The following PP2D1 variants were observed in gnomAD, a reference collection of about 807,000 sequenced individuals.
The protein encoded by PP2D1 is protein phosphatase 2C-like domain-containing protein 1.
PP2D1 carries 25 observed loss-of-function variants against 30.2 expected under a neutral mutation model. The observed-to-expected ratio is 0.83, with a 90% CI of 0.60 to 1.16. The LOEUF is 1.16. Among genes scored for constraint, PP2D1 ranks in the 50% most tolerant of loss-of-function variants. PP2D1 has a pLI of 0.00. For synonymous variants in PP2D1, 260 were observed against 258.9 expected, an observed-to-expected ratio of 1.00 and a Z score of -0.04; for missense variants, 760 against 742.4, an observed-to-expected ratio of 1.02 and a Z score of -0.28.
rs1307287865 is a variant in PP2D1, at chr3:19,985,566, G to C, written c.1707C>G (p.Asp569Glu). 3 of 1,536,022 alleles carry C rather than the reference G, an allele frequency of 2.0e-6. No homozygotes were observed. The highest frequency in any genetic ancestry group is 2.6e-6 in the Non-Finnish European group (3 of 1,146,862). Residue 569 changes from aspartate (D) to glutamate (E), a missense_variant, in exon 3 of 3, where the codon GAC becomes GAG. This residue lies in a region of PP2D1 where 369 missense variants were observed against 316.2 expected (regional missense o/e 1.17). Transcript: ENST00000389050. ...CCACATCATTTACACTAGTTGGTCT[G>C]TCAGTTACTTTTTCACTGCAAGGTT... ...HRKPCSEKVT[D>E]RPTSVNDVAT... is the part of the protein sequence containing the mutation.
Position 20,001,714 on chromosome 3 carries a change from C to A in PP2D1, c.406G>T (p.Glu136Ter). Residue 136 changes from glutamate (E) to a stop codon, truncating the protein, a stop_gained, in exon 2 of 3, where the codon GAG becomes TAG. Coordinates refer to ENST00000389050, the MANE Select transcript of PP2D1 (RefSeq NM_001252657.2). LOFTEE classifies it high-confidence loss of function. ...KTLQSINNAF[E>*]LLWKKQIPAY... Reference sequence around the variant, plus strand: ...GGTATTTGTTTTTTCCAAAGCAGCTCAAAAGCATTATTAATGCTCTGTAGG... The same window carrying A: ...GGTATTTGTTTTTTCCAAAGCAGCTAAAAAGCATTATTAATGCTCTGTAGG... The A allele has an allele frequency of 6.5e-7, 1 of 1,532,966 alleles. No individual in the cohort carries two copies. The highest frequency in any genetic ancestry group is 8.7e-7 in the Non-Finnish European group (1 of 1,145,608). 95.0% of individuals were successfully genotyped at this position (1,532,966 alleles called of 1,614,324 possible).
chr3:19,987,070 A>C (rs1697048785), intron 2 of PP2D1, among the ~76,000 whole-genome samples: 1 of 152,008 alleles, frequency 6.6e-6, no homozygotes, highest in Non-Finnish European at 1.5e-5. Flanking sequence ...CCTGTGGAGA[A>C]ATATGTTGTT....
At chr3:20,010,383 C>A (rs1338391050) in intron 1 of PP2D1, among the ~76,000 whole-genome samples, 12 of 152,180 alleles carry the variant, frequency 7.9e-5, no homozygotes, top group Non-Finnish European at 1.8e-4. Context: ...GTGTGAGCCA[C>A]TGTGCCCAGC....
intron 2 of PP2D1, among the ~76,000 whole-genome samples, chr3:19,989,867 CATT>C (rs947292804): frequency 8.5e-5 from 13 of 152,264 alleles, no homozygotes; most frequent in African/African-American, 2.9e-4. Context: ...AAAGAAAAAG[CATT>C]ATTTTCCTAG....
At chr3:19,980,467 G>A (rs987271044), downstream of PP2D1, among the ~76,000 whole-genome samples, 1 of 92,346 alleles carries the variant, frequency 1.1e-5, no homozygotes, top group Non-Finnish European at 2.3e-5. Flanking sequence ...TTTTTTTTTT[G>A]TTATGAAGGA....
chr3:20,001,579 A>T lies in PP2D1; in HGVS notation c.541T>A (p.Trp181Arg). 2.6e-6 allele frequency: 4 copies of T among 1,536,394 alleles called. No homozygotes were observed. The highest frequency in any genetic ancestry group is 2.6e-6 in the Non-Finnish European group (3 of 1,146,960). Residue 181 changes from tryptophan to arginine, a missense_variant, in exon 2 of 3, where the codon TGG (tryptophan) becomes AGG (arginine). By Grantham distance (101) the Trp-to-Arg change is moderately radical. Around this residue, in one of 3 missense-constraint regions of PP2D1, gnomAD observed 374 missense variants for 388.8 expected, o/e 0.96. Transcript: ENST00000389050. ...VGICEDRNST[W>R]KADMNDKFTV... is the part of the protein sequence containing the mutation. ...AATTTATCATTCATGTCAGCTTTCCATGTAGAATTCCTGTCTTCACAAATG... is the reference window on the plus strand; with the variant it reads ...AATTTATCATTCATGTCAGCTTTCCTTGTAGAATTCCTGTCTTCACAAATG...
downstream of PP2D1, among the ~76,000 whole-genome samples, chr3:19,981,335 G>C (rs985973986): frequency 6.6e-6 from 1 of 152,084 alleles, no homozygotes; most frequent in East Asian, 1.9e-4. Flanking sequence ...CAGGCTGGGC[G>C]CAGTGGCTCA....
At chr3:19,983,781 C>T (rs368096662), downstream of PP2D1, 7 of 1,611,954 alleles carry the variant, frequency 4.3e-6, no homozygotes, top group Admixed American at 1.7e-5. Context: ...TAGACCTTAC[C>T]GAACCCACAC....
intron 1 of PP2D1, among the ~76,000 whole-genome samples, chr3:20,006,964 C>CAT (rs1697325194): frequency 6.8e-6 from 1 of 148,126 alleles, no homozygotes; most frequent in Admixed American, 6.9e-5. Flanking sequence ...TATATATATA[C>CAT]ATATATATAC....
At chr3:19,982,405 C>T (rs1026419170), downstream of PP2D1, among the ~76,000 whole-genome samples, 3 of 152,170 alleles carry the variant, frequency 2.0e-5, no homozygotes, top group African/African-American at 7.2e-5. Context: ...TAAGTTTTGA[C>T]ACATGCAGGC....
chr3:20,001,247 C>T lies in PP2D1; in HGVS notation c.873G>A (p.Trp291Ter). 1 of 1,536,098 alleles carries T rather than the reference C, an allele frequency of 6.5e-7. No homozygotes were observed. The highest frequency in any genetic ancestry group is 8.7e-7 in the Non-Finnish European group (1 of 1,146,884). ...DTHKAFAKAF[W>*]RMDRLLGLGR... is the part of the protein sequence containing the mutation. ...CAAGACCTAAAAGCCTATCCATTCT[C>T]CAAAATGCTTTTGCAAAGGCTTTGT... The change falls in exon 2 of 3, where the codon TGG (tryptophan) becomes TGA (stop). Residue 291 changes from tryptophan to a stop codon, truncating the protein, a stop_gained. Transcript: ENST00000389050. LOFTEE classifies it high-confidence loss of function.
chr3:20,007,651 C>A (rs551426592), intron 1 of PP2D1, among the ~76,000 whole-genome samples: 1 of 151,776 alleles, frequency 6.6e-6, no homozygotes, highest in Non-Finnish European at 1.5e-5. Context: ...GCCTGTAATT[C>A]CAGCTACTTG....
chr3:19,984,189 C>T (rs1696988440), downstream of PP2D1: 7 of 418,760 alleles, frequency 1.7e-5, no homozygotes. Context: ...AAAATTGGAA[C>T]TTACTAATTT....
chr3:20,005,229 C>T (rs1387671543), intron 1 of PP2D1, among the ~76,000 whole-genome samples: 11 of 151,958 alleles, frequency 7.2e-5, no homozygotes, highest in African/African-American at 1.7e-4. Flanking sequence ...CTCGGCTCAC[C>T]GCAACCTCCA....
At position 20,001,786 on chromosome 3, in the gene PP2D1, A is replaced by C; in HGVS notation, c.334T>G (p.Phe112Val). Residue 112 changes from phenylalanine (F) to valine (V), a missense_variant, in exon 2 of 3, where the codon TTC becomes GTC. By Grantham distance (50) the Phe-to-Val change is conservative. Coordinates refer to ENST00000389050, the MANE Select transcript of PP2D1 (RefSeq NM_001252657.2). ...QPSVIAVQRQFMISKLLSSFM... is the reference protein window; with the variant it reads ...QPSVIAVQRQVMISKLLSSFM... The stretch of plus-strand genomic sequence containing the variant: ...GATGACAATAGTTTAGAAATCATGA[A>C]CTGTCTCTGAACAGCAATCACTGAG... The C allele has an allele frequency of 6.5e-7, 1 of 1,534,400 alleles. No homozygotes were observed. Among genetic ancestry groups the C allele is most frequent in the Non-Finnish European group, 8.7e-7 (1 of 1,146,322 alleles).
intron 1 of PP2D1, among the ~76,000 whole-genome samples, chr3:20,010,554 C>A (rs1388790782): frequency 6.6e-6 from 1 of 151,922 alleles, no homozygotes; most frequent in Non-Finnish European, 1.5e-5. Context: ...GTAATTCCAG[C>A]ACTTTGGGAG....
intron 1 of PP2D1, 43 bp from the exon 2 acceptor site, chr3:20,002,139 G>A: frequency 7.7e-7 from 1 of 1,298,166 alleles, no homozygotes; most frequent in South Asian, 1.4e-5. Context: ...GGATGATGCA[G>A]CGAAAATCTC....
At chr3:19,998,376 T>G (rs1697209719) in intron 2 of PP2D1, among the ~76,000 whole-genome samples, 1 of 151,126 alleles carries the variant, frequency 6.6e-6, no homozygotes, top group Admixed American at 6.6e-5. Flanking sequence ...AAGGAATAAG[T>G]TCTAGTGTTT....
At position 20,001,312 on chromosome 3, in the gene PP2D1, T is replaced by C; in HGVS notation, c.808A>G (p.Asn270Asp). 1 of 1,535,628 alleles carries C rather than the reference T, an allele frequency of 6.5e-7. No homozygotes were observed. Among genetic ancestry groups the C allele is most frequent in the Non-Finnish European group, 8.7e-7 (1 of 1,146,492 alleles). Residue 270 changes from asparagine (N) to aspartate (D), a missense_variant, in exon 2 of 3, where the codon AAC (asparagine) becomes GAC (aspartate). By Grantham distance (23) the Asn-to-Asp change is conservative (BLOSUM62 1). Around this residue, in one of 3 missense-constraint regions of PP2D1, gnomAD observed 374 missense variants for 388.8 expected, o/e 0.96. Coordinates refer to ENST00000389050, the MANE Select transcript of PP2D1 (RefSeq NM_001252657.2). ...AAIEDLFSAI[N>D]KTEAVRCEYE... The stretch of plus-strand genomic sequence containing the variant: ...TCACACCTCACTGCTTCTGTTTTGT[T>C]TATGGCAGAAAAGAGGTCTTCTATT...
Sources: gnomAD v4.1 joint callset for allele counts (sites outside exome capture counted in the v4.1 genomes callset) on GRCh38, gnomAD v4.1.1 for gene constraint, gnomAD v4.1.1 regional missense constraint, MANE v1.5 for transcripts, NCBI Gene and HGNC (gene_info 2026-07-23, HGNC 2026-07-21) for gene names.